MRPL37: variants seen among roughly 807,000 people sequenced by gnomAD.
The protein encoded by MRPL37 is mitochondrial ribosomal protein L37, also known as large ribosomal subunit protein mL37.
A neutral mutation model predicts 44.1 loss-of-function variants in MRPL37; 34 were observed. The ratio of observed to expected loss-of-function variants is 0.77; its 90% confidence interval spans 0.59 to 1.03. The LOEUF is 1.03. Among genes scored for constraint, MRPL37 ranks in the 50% least tolerant of loss-of-function variants. MRPL37 has a pLI of 0.00. For synonymous variants in MRPL37, 212 were observed against 219.5 expected, an observed-to-expected ratio of 0.97 and a Z score of 0.30; for missense variants, 532 against 543.7, an observed-to-expected ratio of 0.98 and a Z score of 0.21.
chr1:54,218,406 C>T (rs1644212395), downstream of MRPL37: 1 of 1,488,934 alleles, frequency 6.7e-7, no homozygotes, highest in Non-Finnish European at 8.9e-7. Context: ...TATGAGGGTG[C>T]CATCGGGAAG....
In MRPL37 at chr1:54,216,976, T is replaced by C. The variant is rs562665502; in HGVS notation, c.1194+632T>C. On this transcript the variant is annotated intron_variant, in intron 6 of 6. Coordinates refer to ENST00000360840, the MANE Select transcript of MRPL37 (RefSeq NM_016491.4). ...AGTTCCTCCTGCGGCACCATTGTGC[T>C]GCACCCCACTGCTCAGCTGACGGGG... Among the ~76,000 whole-genome samples, 18 of 152,320 alleles carry C rather than the reference T, an allele frequency of 1.2e-4. No homozygotes were observed. In the East Asian group the frequency reaches 3.5e-3, roughly 29 times the overall value.
chr1:54,207,783 T>C (rs1644134504), intron 3 of MRPL37, among the ~76,000 whole-genome samples: 1 of 152,206 alleles, frequency 6.6e-6, no homozygotes, highest in African/African-American at 2.4e-5. Context: ...AGATCAGAGT[T>C]TATCCACCCC....
chr1:54,203,768 G>C (rs1224735790), intron 1 of MRPL37, among the ~76,000 whole-genome samples: 1 of 152,112 alleles, frequency 6.6e-6, no homozygotes, highest in Non-Finnish European at 1.5e-5. Context: ...GAGCCACCAT[G>C]CCCGGCCTAA....
At chr1:54,215,981 T>G (rs773649846) in intron 5 of MRPL37, among the ~76,000 whole-genome samples, 160 bp from the exon 6 acceptor site, 3 of 152,198 alleles carry the variant, frequency 2.0e-5, no homozygotes, top group Non-Finnish European at 1.5e-5. Context: ...CCCTGGACAG[T>G]GCCCTGAACT....
rs1644112453 is a variant in MRPL37, at chr1:54,205,184, C to T, written c.513C>T (p.Pro171=). 1.2e-6 allele frequency: 2 copies of T among 1,613,584 alleles called. No homozygotes were observed. Among genetic ancestry groups the T allele is most frequent in the Non-Finnish European group, 1.7e-6 (2 of 1,179,586 alleles). The change falls in exon 2 of 7, where the codon CCC becomes CCT. Residue 171 remains proline (P), a synonymous_variant. Coordinates refer to ENST00000360840, the MANE Select transcript of MRPL37 (RefSeq NM_016491.4). Reference sequence around the variant, plus strand: ...TCTGGCAGACCACTGAGGAAATCCCCAAGAGAGAGACCTACTGGTAAGTTC... The same window carrying T: ...TCTGGCAGACCACTGAGGAAATCCCTAAGAGAGAGACCTACTGGTAAGTTC... ...ARLWQTTEEI[P]KRETYCPVIV...
chr1:54,206,941 C>T (rs896083822), intron 3 of MRPL37, among the ~76,000 whole-genome samples: 8 of 151,378 alleles, frequency 5.3e-5, no homozygotes, highest in Non-Finnish European at 1.0e-4. Flanking sequence ...TTAGTAGAGA[C>T]GGGGTTTCAC....
At chr1:54,215,991 T>C in intron 5 of MRPL37, 150 bp from the exon 6 acceptor site, 2 of 831,248 alleles carry the variant, frequency 2.4e-6, no homozygotes, top group African/African-American at 1.7e-5. Flanking sequence ...TGCCCTGAAC[T>C]CCTCATTCTA....
intron 5 of MRPL37, among the ~76,000 whole-genome samples, chr1:54,215,144 A>C (rs766610184): frequency 2.6e-5 from 4 of 152,196 alleles, no homozygotes; most frequent in Non-Finnish European, 2.9e-5. Context: ...TTTATCTCCC[A>C]AACTGGGACA....
chr1:54,222,330 G>A (rs774144985), downstream of MRPL37, among the ~76,000 whole-genome samples: 13 of 151,260 alleles, frequency 8.6e-5, 1 homozygote, highest in South Asian at 4.3e-4. Context: ...GTGGGAAGGA[G>A]GAGGGGCCAG....
chr1:54,214,269 C>A (rs1644183898), intron 5 of MRPL37, among the ~76,000 whole-genome samples: 1 of 152,160 alleles, frequency 6.6e-6, no homozygotes, highest in Non-Finnish European at 1.5e-5. Context: ...AGTTTTTTAA[C>A]CCCATGTGGC....
chr1:54,219,116 T>G (rs775790304), downstream of MRPL37, among the ~76,000 whole-genome samples: 1 of 152,236 alleles, frequency 6.6e-6, no homozygotes, highest in African/African-American at 2.4e-5. Context: ...TGGCTGCCTC[T>G]GAGGCCTCAC....
rs186547815 is a variant in MRPL37, at chr1:54,206,027, T to C, written c.646+617T>C. Among the ~76,000 whole-genome samples the C allele has an allele frequency of 3.3e-4, 50 of 152,330 alleles. 1 individual carries two copies. The highest frequency in any genetic ancestry group is 1.2e-3 in the African/African-American group (49 of 41,586). The stretch of plus-strand genomic sequence containing the variant: ...TTTTTAGCATCAAGCTTTCACACCA[T>C]GTGCCTTTGCACATGCTGTGCATTC... On this transcript the variant is annotated intron_variant, in intron 3 of 6. Coordinates refer to ENST00000360840, the MANE Select transcript of MRPL37 (RefSeq NM_016491.4).
intron 1 of MRPL37, 40 bp from the exon 2 acceptor site, chr1:54,204,978 T>A (rs1644110103): frequency 1.3e-6 from 2 of 1,582,046 alleles, no homozygotes; most frequent in Non-Finnish European, 1.7e-6. Context: ...CCTGAATCTT[T>A]TTCTTTCCTT....
chr1:54,203,765 C>T (rs1313046602), intron 1 of MRPL37, among the ~76,000 whole-genome samples: 2 of 152,128 alleles, frequency 1.3e-5, no homozygotes, highest in African/African-American at 2.4e-5. Context: ...CATGAGCCAC[C>T]ATGCCCGGCC....
At chr1:54,214,531 T>C (rs1241792035) in intron 5 of MRPL37, among the ~76,000 whole-genome samples, 2 of 152,178 alleles carry the variant, frequency 1.3e-5, no homozygotes, top group Non-Finnish European at 2.9e-5. Context: ...GAACATGATC[T>C]CTCCAGTTTT....
In MRPL37 at chr1:54,218,250, G is replaced by A. The variant is rs764830454; in HGVS notation, c.*1G>A. On this transcript the variant is annotated 3_prime_UTR_variant, in exon 7 of 7. Coordinates refer to ENST00000360840, the MANE Select transcript of MRPL37 (RefSeq NM_016491.4). The stretch of plus-strand genomic sequence containing the variant: ...TCTATATTTGCATGGTGCTGCGTGA[G>A]CGGAGGACCCCTCTGAATCCTGAAA... The A allele has an allele frequency of 6.2e-7, 1 of 1,614,102 alleles. No individual in the cohort carries two copies. The highest frequency in any genetic ancestry group is 1.3e-5 in the African/African-American group (1 of 74,936).
At chr1:54,217,050 T>C (rs927977421) in intron 6 of MRPL37, among the ~76,000 whole-genome samples, 2 of 152,234 alleles carry the variant, frequency 1.3e-5, no homozygotes, top group South Asian at 4.1e-4. Context: ...CTAAATAAAT[T>C]CCTGATAGAG....
chr1:54,220,624 T>C (rs1016513974), downstream of MRPL37: 2 of 471,572 alleles, frequency 4.2e-6, no homozygotes, highest in African/African-American at 4.0e-5. Flanking sequence ...GGTCCTTGCT[T>C]CTCCAAATCC....
downstream of MRPL37, chr1:54,220,784 A>G (rs1644227464): frequency 2.1e-6 from 1 of 471,328 alleles, no homozygotes; most frequent in African/African-American, 2.0e-5. Flanking sequence ...CTGCAGGGAG[A>G]GTGCTGCGCC....
Sources: allele counts gnomAD v4.1 joint callset (sites outside exome capture counted in the v4.1 genomes callset), GRCh38; gene constraint gnomAD v4.1.1; transcripts MANE v1.5; gene names NCBI Gene and HGNC (gene_info 2026-07-23, HGNC 2026-07-21).